NRG2: variants seen among roughly 807,000 people sequenced by gnomAD.
NRG2 encodes the protein pro-neuregulin-2, membrane-bound isoform.
NRG2 carries 27 observed loss-of-function variants against 73.9 expected under a neutral mutation model. That is an observed-to-expected ratio of 0.37 (90% CI 0.27 to 0.50). The LOEUF is 0.50. Among genes scored for constraint, NRG2 ranks in the 20% least tolerant of loss-of-function variants. The pLI is 0.96. For missense variants in NRG2, 1,126 were observed against 1,210.1 expected (o/e 0.93, Z 1.03); for synonymous variants, 532 against 541.0 (o/e 0.98, Z 0.23).
chr5:139,867,799 T>TGAG (rs1554101298), intron 4 of NRG2, among the ~76,000 whole-genome samples: 1 of 79,726 alleles, frequency 1.3e-5, no homozygotes. Context: ...TGTGTGTGTA[T>TGAG]GAGTGTGTGT....
At chr5:139,944,091 TTAAA>T (rs2126438804) in intron 1 of NRG2, among the ~76,000 whole-genome samples, 1 of 152,144 alleles carries the variant, frequency 6.6e-6, no homozygotes, top group African/African-American at 2.4e-5. Flanking sequence ...GCAAAAAAAA[TTAAA>T]TAAAAGGTGT....
At chr5:139,973,290 T>C (rs939189616) in intron 1 of NRG2, among the ~76,000 whole-genome samples, 3 of 152,062 alleles carry the variant, frequency 2.0e-5, no homozygotes, top group Non-Finnish European at 2.9e-5. Flanking sequence ...TGAAATACCA[T>C]GTGACCTTTA....
intron 1 of NRG2, among the ~76,000 whole-genome samples, chr5:139,971,574 G>T (rs111765706): frequency 6.6e-6 from 1 of 152,192 alleles, no homozygotes; most frequent in African/African-American, 2.4e-5. Context: ...CAGCATGCTT[G>T]CCTTCCAGTT....
chr5:139,890,849 A>G (rs1764170983), intron 1 of NRG2, among the ~76,000 whole-genome samples: 1 of 152,212 alleles, frequency 6.6e-6, no homozygotes, highest in Non-Finnish European at 1.5e-5. Flanking sequence ...AAGTGTATAT[A>G]GCTCAATGAC....
In NRG2 at chr5:139,897,178, C is replaced by T. The variant is rs956629414; in HGVS notation, c.701-9667G>A. The stretch of plus-strand genomic sequence containing the variant: ...CAGACATGCAAGCTGTGGGGTCAGA[C>T]GGATGCCACTGTGCATTCTGGCTCT... On this transcript the variant is annotated intron_variant, in intron 1 of 9. Coordinates refer to ENST00000361474, the MANE Select transcript of NRG2 (RefSeq NM_004883.3). 4.6e-5 allele frequency among the ~76,000 whole-genome samples: 7 copies of T among 152,212 alleles called. 1 individual carries two copies. In the East Asian group the frequency reaches 7.7e-4, roughly 17 times the overall value.
At chr5:139,899,497 A>T (rs546515280) in intron 1 of NRG2, among the ~76,000 whole-genome samples, 1 of 152,322 alleles carries the variant, frequency 6.6e-6, no homozygotes, top group East Asian at 1.9e-4. Flanking sequence ...CTAGACCTCT[A>T]GCTTGGTTTC....
chr5:140,017,704 A>C (rs541571241), intron 1 of NRG2, among the ~76,000 whole-genome samples: 85 of 152,160 alleles, frequency 5.6e-4, no homozygotes, highest in Non-Finnish European at 1.0e-3. Flanking sequence ...AGAAGAGAAG[A>C]GGTCATGATA....
chr5:139,960,767 T>C (rs949459586), intron 1 of NRG2, among the ~76,000 whole-genome samples: 5 of 152,176 alleles, frequency 3.3e-5, no homozygotes. Flanking sequence ...GGTAGATGCC[T>C]AAGAACTCAG....
chr5:139,866,523 G>T (rs757380119), intron 4 of NRG2, among the ~76,000 whole-genome samples: 2 of 152,194 alleles, frequency 1.3e-5, no homozygotes, highest in Non-Finnish European at 2.9e-5. Context: ...GATACCAGGT[G>T]CAGGGAATCT....
chr5:139,938,019 C>A (rs552841990), intron 1 of NRG2, among the ~76,000 whole-genome samples: 1 of 152,328 alleles, frequency 6.6e-6, no homozygotes, highest in African/African-American at 2.4e-5. Context: ...TTTGAGGCTA[C>A]AGTGAGCTAT....
rs1324948599 is a variant in NRG2 at position 139,865,968 on chromosome 5, T to C, written c.1113-343A>G. ...GCCCCATGAAGCAAGCACTGTGGCC[T>C]CTTGGTGCCAGGCAGTCAGTCAGCT... On this transcript the variant is annotated intron_variant, in intron 4 of 9. Coordinates refer to ENST00000361474, the MANE Select transcript of NRG2 (RefSeq NM_004883.3). The surrounding 1 kb of genome is among the most constrained non-coding windows in gnomAD (Gnocchi z 5.2). Among the ~76,000 whole-genome samples the C allele has an allele frequency of 6.6e-6, 1 of 152,172 alleles. No homozygotes were observed. The highest frequency in any genetic ancestry group is 1.5e-5 in the Non-Finnish European group (1 of 68,030).
intron 1 of NRG2, among the ~76,000 whole-genome samples, chr5:140,029,169 T>C (rs1383724816): frequency 6.6e-6 from 1 of 152,236 alleles, no homozygotes; most frequent in Admixed American, 6.5e-5. Context: ...TGTTAAGCTA[T>C]TCCATTTTGG....
rs551071515 is a variant in NRG2 at position 139,888,175 on chromosome 5, A to AGG, written c.701-666_701-665dup. ...AAAGTACTCTCTTCTCAGGAAGATG[A>AGG]GGCTAAGCCAGTGCTCGTGCTGAGG... is the stretch of plus-strand genomic sequence containing the variant. On this transcript the variant is annotated intron_variant, in intron 1 of 9. Transcript: ENST00000361474. Among the ~76,000 whole-genome samples, 62 of 152,218 alleles carry AGG rather than the reference A, an allele frequency of 4.1e-4. 1 individual carries two copies. The highest frequency in any genetic ancestry group is 1.4e-3 in the African/African-American group (57 of 41,536).
intron 1 of NRG2, among the ~76,000 whole-genome samples, chr5:139,935,628 A>C (rs1011558349): frequency 4.6e-5 from 7 of 152,218 alleles, no homozygotes; most frequent in Non-Finnish European, 1.5e-5. Flanking sequence ...TGGGTCAAAG[A>C]AGAAATCACA....
rs1763918480 is a variant in NRG2 at position 139,887,138 on chromosome 5, C to A, written c.872+202G>T. On this transcript the variant is annotated intron_variant, in intron 2 of 9. Transcript: ENST00000361474. This position sits in a 1 kb window ranked among gnomAD's most constrained non-coding sequence, Gnocchi z 4.5. ...ATTCTTGTCTGTGGTCTGCAAGACCCTGGGCCACCATGACCAGAGGGTCCC... is the reference window on the plus strand; with the variant it reads ...ATTCTTGTCTGTGGTCTGCAAGACCATGGGCCACCATGACCAGAGGGTCCC... Among the ~76,000 whole-genome samples the A allele has an allele frequency of 6.6e-6, 1 of 152,210 alleles. No homozygotes were observed. The highest frequency in any genetic ancestry group is 1.5e-5 in the Non-Finnish European group (1 of 68,040).
At chr5:140,017,993 G>C (rs1471621428) in intron 1 of NRG2, among the ~76,000 whole-genome samples, 1 of 152,050 alleles carries the variant, frequency 6.6e-6, no homozygotes, top group African/African-American at 2.4e-5. Flanking sequence ...AGAGAGGACC[G>C]ATAAGTATAA....
chr5:139,997,835 G>C (rs1162191711), intron 1 of NRG2, among the ~76,000 whole-genome samples: 1 of 152,214 alleles, frequency 6.6e-6, no homozygotes, highest in Admixed American at 6.5e-5. Flanking sequence ...GATGGACATG[G>C]TTCCCCTCTC....
chr5:139,970,291 AAGGAAAGGAGT>A (rs1329583674), intron 1 of NRG2, among the ~76,000 whole-genome samples: 1 of 152,160 alleles, frequency 6.6e-6, no homozygotes, highest in Non-Finnish European at 1.5e-5. Context: ...CTAAGGATAA[AAGGAAAGGAGT>A]AGAGAAAATG....
At chr5:139,891,809 T>A (rs1200292822) in intron 1 of NRG2, among the ~76,000 whole-genome samples, 1 of 152,160 alleles carries the variant, frequency 6.6e-6, no homozygotes, top group Non-Finnish European at 1.5e-5. Context: ...ATGAGAAGTC[T>A]GGATTTATTT....
Sources: gnomAD v4.1 joint callset for allele counts (sites outside exome capture counted in the v4.1 genomes callset) on GRCh38, gnomAD v4.1.1 for gene constraint, Gnocchi (gnomAD v3.1) non-coding constraint, MANE v1.5 for transcripts, NCBI Gene and HGNC (gene_info 2026-07-23, HGNC 2026-07-21) for gene names.